CNTN4: variants seen among roughly 807,000 people sequenced by gnomAD.
The protein encoded by CNTN4 is contactin-4.
CNTN4 carries 77 observed loss-of-function variants against 122.5 expected under a neutral mutation model. The ratio of observed to expected loss-of-function variants is 0.63; its 90% CI spans 0.52 to 0.76. CNTN4 has a LOEUF of 0.76. Among genes scored for constraint, CNTN4 ranks in the 30% least tolerant of loss-of-function variants. The pLI, the probability that CNTN4 is intolerant of heterozygous loss-of-function variation, is 0.00. For synonymous variants in CNTN4, 512 were observed against 447.0 expected (o/e 1.15, Z -1.83); for missense variants, 1,256 against 1,259.1 (o/e 1.00, Z 0.04).
At chr3:2,791,011 T>C (rs2091991085) in intron 6 of CNTN4, among the ~76,000 whole-genome samples, 1 of 152,022 alleles carries the variant, frequency 6.6e-6, no homozygotes, top group Admixed American at 6.6e-5. Context: ...ACAAGAGTAA[T>C]TACAGTGTCT....
chr3:2,607,044 T>G (rs1029042389), intron 4 of CNTN4, among the ~76,000 whole-genome samples: 2 of 152,192 alleles, frequency 1.3e-5, no homozygotes, highest in African/African-American at 2.4e-5. Flanking sequence ...TTAGGACACA[T>G]TTAATCTTCT....
intron 4 of CNTN4, among the ~76,000 whole-genome samples, chr3:2,714,432 G>C (rs2087353210): frequency 6.6e-6 from 1 of 152,020 alleles, no homozygotes; most frequent in South Asian, 2.1e-4. Flanking sequence ...GGAAGTGTTG[G>C]GGTTGGAGAT....
At position 2,794,742 on chromosome 3, in the gene CNTN4, A is replaced by ATTTCT. The variant is rs1446394717; in HGVS notation, c.359-24743_359-24742insTTCTT. ...GACTGTGGGCTTACAAAGAAAGGAA[A>ATTTCT]TACATTTCTTACAGTTATGGAGCCT... is the stretch of plus-strand genomic sequence containing the variant. On this transcript the variant is annotated intron_variant, in intron 6 of 24. Transcript: ENST00000418658. Among the ~76,000 whole-genome samples the ATTTCT allele has an allele frequency of 6.6e-5, 10 of 152,334 alleles. No individual in the cohort carries two copies. The East Asian group carries it at 1.9e-3, about 29-fold the overall frequency.
intron 12 of CNTN4, among the ~76,000 whole-genome samples, chr3:2,911,522 C>T (rs745841953): frequency 2.6e-5 from 4 of 152,052 alleles, no homozygotes; most frequent in Non-Finnish European, 5.9e-5. Context: ...GATAATAAAG[C>T]ACACAAAGAA....
intron 16 of CNTN4, among the ~76,000 whole-genome samples, chr3:3,033,743 A>G (rs1699375674): frequency 6.6e-6 from 1 of 152,152 alleles, no homozygotes; most frequent in East Asian, 1.9e-4. Context: ...GGAAAGTGGG[A>G]TAGCTGCGGG....
chr3:2,550,453 G>T (rs575156284), intron 3 of CNTN4, among the ~76,000 whole-genome samples: 53 of 152,284 alleles, frequency 3.5e-4, no homozygotes, highest in African/African-American at 1.1e-3. Context: ...GGAAACAGCA[G>T]ATGCTGGAGA....
At chr3:2,255,428 T>C (rs998475086) in intron 2 of CNTN4, among the ~76,000 whole-genome samples, 4 of 152,232 alleles carry the variant, frequency 2.6e-5, no homozygotes, top group African/African-American at 9.6e-5. Context: ...CTCTGAACCA[T>C]GTGGATCTAA....
chr3:3,038,330 G>A (rs1202568625), intron 18 of CNTN4, among the ~76,000 whole-genome samples: 1 of 152,154 alleles, frequency 6.6e-6, no homozygotes, highest in Non-Finnish European at 1.5e-5. Flanking sequence ...AAGAGGTTAA[G>A]CTCAGTGAGC....
intron 6 of CNTN4, among the ~76,000 whole-genome samples, chr3:2,750,232 G>A (rs1266423937): frequency 2.0e-5 from 3 of 152,086 alleles, no homozygotes; most frequent in East Asian, 1.9e-4. Flanking sequence ...TCTAATTTAT[G>A]AGAAAAACAA....
At chr3:2,134,725 G>A (rs2034605766) in intron 2 of CNTN4, among the ~76,000 whole-genome samples, 1 of 152,172 alleles carries the variant, frequency 6.6e-6, no homozygotes, top group Admixed American at 6.5e-5. Context: ...CTCAGTGCAA[G>A]GGGAGCCCTG....
At chr3:2,372,298 G>T (rs555663733) in intron 3 of CNTN4, among the ~76,000 whole-genome samples, 2 of 152,324 alleles carry the variant, frequency 1.3e-5, no homozygotes, top group South Asian at 2.1e-4. Context: ...TTTAATGCTT[G>T]CTGAAAGCAG....
intron 6 of CNTN4, among the ~76,000 whole-genome samples, chr3:2,816,637 A>T (rs1187883632): frequency 6.6e-6 from 1 of 151,384 alleles, no homozygotes; most frequent in African/African-American, 2.4e-5. Flanking sequence ...CCTGGCCAAC[A>T]TGGTGAAACC....
At chr3:2,535,054 G>A (rs1399658573) in intron 3 of CNTN4, among the ~76,000 whole-genome samples, 2 of 152,146 alleles carry the variant, frequency 1.3e-5, no homozygotes, top group Admixed American at 6.6e-5. Flanking sequence ...TCTGGGCATA[G>A]CTTATGTCCC....
chr3:2,729,281 G>C (rs1305720468), intron 4 of CNTN4, among the ~76,000 whole-genome samples: 1 of 152,142 alleles, frequency 6.6e-6, no homozygotes, highest in Non-Finnish European at 1.5e-5. Context: ...AGAAATGAAA[G>C]TGGCCGGGCG....
intron 3 of CNTN4, among the ~76,000 whole-genome samples, chr3:2,450,470 GT>G (rs956624518): frequency 6.6e-6 from 1 of 152,156 alleles, no homozygotes; most frequent in Non-Finnish European, 1.5e-5. Flanking sequence ...ATGTTTTCTT[GT>G]TTAAAGATTT....
Position 3,056,373 on chromosome 3 carries a change from G to A in CNTN4, c.*153G>A, listed in dbSNP as rs202077874. 47 of 634,094 alleles carry A rather than the reference G, an allele frequency of 7.4e-5. No individual in the cohort carries two copies. The East Asian group carries it at 1.3e-3, about 17-fold the overall frequency. 39.3% of individuals were successfully genotyped at this position (634,094 alleles called of 1,614,324 possible). A position where few individuals can be genotyped will look rare whatever the true frequency, so the allele number is the denominator to read the frequency against. ...GCTTCTTTAGGAATGGCATTATACA[G>A]TACTTCCTCAAAGCAAATCTAGCTT... On this transcript the variant is annotated 3_prime_UTR_variant, in exon 25 of 25. Coordinates refer to ENST00000418658, the MANE Select transcript of CNTN4 (RefSeq NM_175607.3).
intron 13 of CNTN4, among the ~76,000 whole-genome samples, chr3:2,961,062 C>G (rs1377013813): frequency 7.0e-6 from 1 of 143,748 alleles, no homozygotes; most frequent in Non-Finnish European, 1.5e-5. Flanking sequence ...AACCCCGTCT[C>G]TACTAAAAAT....
chr3:2,312,310 A>C (rs918869696), intron 2 of CNTN4, among the ~76,000 whole-genome samples: 1 of 152,120 alleles, frequency 6.6e-6, no homozygotes, highest in African/African-American at 2.4e-5. Context: ...GAGATTTCAG[A>C]AATGTTTATT....
At chr3:2,975,881 A>G (rs1004613560) in intron 13 of CNTN4, among the ~76,000 whole-genome samples, 19 of 152,150 alleles carry the variant, frequency 1.2e-4, no homozygotes, top group African/African-American at 4.1e-4. Context: ...CCTTACCCCC[A>G]TTCATCCTCA....
Sources: gnomAD v4.1 joint callset for allele counts (sites outside exome capture counted in the v4.1 genomes callset) on GRCh38, gnomAD v4.1.1 for gene constraint, MANE v1.5 for transcripts, NCBI Gene and HGNC (gene_info 2026-07-23, HGNC 2026-07-21) for gene names.